KIF15: variants seen among roughly 807,000 people sequenced by gnomAD.
KIF15 encodes kinesin family member 15.
Under a neutral mutation model 190.6 loss-of-function variants are expected in KIF15, and 140 were observed. The observed-to-expected ratio is 0.73, with a 90% confidence interval of 0.64 to 0.84. The LOEUF (loss-of-function observed/expected upper bound fraction) is 0.84, where lower values mean the gene tolerates loss of function less well. KIF15 is among the 40% of genes least tolerant of loss of function. KIF15 has a pLI of 0.00. For synonymous variants in KIF15, 528 were observed against 551.3 expected (o/e 0.96, Z 0.59); for missense variants, 1,372 against 1,584.4 (o/e 0.87, Z 2.28).
chr3:44,852,310 C>T lies in KIF15; in HGVS notation c.4075C>T (p.Leu1359=). The stretch of plus-strand genomic sequence containing the variant: ...TCAGAAGATTCAGTACGTAGTGCGA[C>T]TAAAGAAGGAAAATGTCAGGCTTGC... ...LHQKIQYVVR[L]KKENVRLAEE... The change falls in exon 34 of 35, where the codon CTA becomes TTA. Residue 1359 remains leucine, a synonymous_variant. Coordinates refer to ENST00000326047, the MANE Select transcript of KIF15 (RefSeq NM_020242.3). 1 of 1,610,826 alleles carries T rather than the reference C, an allele frequency of 6.2e-7. No homozygotes were observed. The highest frequency in any genetic ancestry group is 8.5e-7 in the Non-Finnish European group (1 of 1,177,894).
In KIF15 at chr3:44,794,251, C is replaced by T; in HGVS notation, c.674C>T (p.Ala225Val). The change falls in exon 8 of 35, where the codon GCA (alanine) becomes GTA (valine). Residue 225 changes from alanine (A) to valine (V), a missense_variant. By Grantham distance (64) the Ala-to-Val change is moderately conservative (BLOSUM62 0). Coordinates refer to ENST00000326047, the MANE Select transcript of KIF15 (RefSeq NM_020242.3). The part of the protein sequence containing the change: ...LSGGWRNRRV[A>V]STSMNRESSR... ...GGAGGATGGAGGAATAGACGTGTGG[C>T]ATCAACATCAATGAACAGAGAATCG... The T allele has an allele frequency of 1.2e-6, 2 of 1,613,876 alleles. No individual in the cohort carries two copies. Among genetic ancestry groups the T allele is most frequent in the South Asian group, 2.2e-5 (2 of 91,050 alleles).
At chr3:44,781,893 TG>T (rs1486781218) in intron 5 of KIF15, among the ~76,000 whole-genome samples, 1 of 152,206 alleles carries the variant, frequency 6.6e-6, no homozygotes, top group Non-Finnish European at 1.5e-5. Flanking sequence ...TACTCATTTG[TG>T]GATATTCCTT....
intron 6 of KIF15, among the ~76,000 whole-genome samples, chr3:44,860,708 G>C (rs1331159949): frequency 2.6e-5 from 4 of 152,052 alleles, no homozygotes; most frequent in Non-Finnish European, 5.9e-5. Flanking sequence ...AAACCACCCT[G>C]TGAGAGAAGC....
intron 13 of KIF15, among the ~76,000 whole-genome samples, chr3:44,802,326 C>T (rs561266121): frequency 6.6e-6 from 1 of 152,282 alleles, no homozygotes; most frequent in East Asian, 1.9e-4. Context: ...ATAGGTCATA[C>T]AGGTACATTG....
intron 20 of KIF15, among the ~76,000 whole-genome samples, chr3:44,820,281 A>C (rs1708204017): frequency 6.8e-6 from 1 of 147,066 alleles, no homozygotes; most frequent in African/African-American, 2.5e-5. Flanking sequence ...TGATCCTGTC[A>C]TTATGATGTT....
intron 26 of KIF15, among the ~76,000 whole-genome samples, chr3:44,832,947 T>C (rs1698139649): frequency 6.8e-6 from 1 of 147,496 alleles, no homozygotes; most frequent in Non-Finnish European, 1.5e-5. Context: ...GAGGCAGAGG[T>C]TGCAGCAAGC....
chr3:44,836,566 C>T (rs1284843088), intron 26 of KIF15, among the ~76,000 whole-genome samples: 2 of 151,990 alleles, frequency 1.3e-5, no homozygotes, highest in African/African-American at 2.4e-5. Flanking sequence ...CTTAATTTAT[C>T]CTTCAGGAGA....
chr3:44,788,235 C>T (rs1304718738), intron 7 of KIF15, among the ~76,000 whole-genome samples: 2 of 152,134 alleles, frequency 1.3e-5, no homozygotes, highest in African/African-American at 4.8e-5. Flanking sequence ...TTATAATCAG[C>T]CACCTTGCTG....
At chr3:44,779,514 G>A (rs1706065735) in intron 4 of KIF15, among the ~76,000 whole-genome samples, 1 of 151,890 alleles carries the variant, frequency 6.6e-6, no homozygotes, top group Non-Finnish European at 1.5e-5. Context: ...ACTCTCAAGT[G>A]CCTGTTTGGA....
At chr3:44,785,052 A>G (rs1443896999) in intron 6 of KIF15, 110 bp downstream of exon 6, 1 of 603,828 alleles carries the variant, frequency 1.7e-6, no homozygotes. Flanking sequence ...ACTCTACAAT[A>G]TGAATAGACT....
chr3:44,824,451 A>G (rs1482875104), intron 20 of KIF15, among the ~76,000 whole-genome samples: 1 of 152,150 alleles, frequency 6.6e-6, no homozygotes, highest in African/African-American at 2.4e-5. Context: ...ATCTACTTGA[A>G]GTGCAGTGGT....
At chr3:44,862,982 A>G (rs1699275630) in intron 6 of KIF15, 1 of 152,152 alleles carries the variant, frequency 6.6e-6, no homozygotes, top group Admixed American at 6.6e-5. Context: ...CTAGACCTTC[A>G]TAACCCTTTA....
intron 23 of KIF15, 122 bp from the exon 24 acceptor site, chr3:44,828,092 T>G: frequency 1.6e-6 from 1 of 632,846 alleles, no homozygotes; most frequent in South Asian, 2.1e-5. Flanking sequence ...TTTATCATTT[T>G]CAAGTATTAC....
In KIF15 at chr3:44,815,092, T is replaced by A; in HGVS notation, c.2549+16T>A. 1.9e-6 allele frequency: 3 copies of A among 1,546,224 alleles called. No individual in the cohort carries two copies. Among genetic ancestry groups the A allele is most frequent in the Non-Finnish European group, 2.6e-6 (3 of 1,147,500 alleles). ...ATAATCTCAGGTAGAGTTGTTCTTT[T>A]ATGGTTTCAAGTTGCCTGATTGGCT... is the stretch of plus-strand genomic sequence containing the variant. On this transcript the variant is annotated intron_variant, in intron 20 of 34. Coordinates refer to ENST00000326047, the MANE Select transcript of KIF15 (RefSeq NM_020242.3).
At chr3:44,819,090 T>A (rs895001555) in intron 20 of KIF15, among the ~76,000 whole-genome samples, 4 of 152,146 alleles carry the variant, frequency 2.6e-5, no homozygotes. Flanking sequence ...GGTGGTGATA[T>A]CCCCTTTATC....
chr3:44,833,790 G>T (rs1371905554), intron 26 of KIF15, among the ~76,000 whole-genome samples: 1 of 152,198 alleles, frequency 6.6e-6, no homozygotes, highest in Non-Finnish European at 1.5e-5. Flanking sequence ...TGAGAACTGT[G>T]TCTGGCTCCT....
In KIF15 at chr3:44,821,040, C is replaced by G. The variant is rs1432533716; in HGVS notation, c.2550-4999C>G. 1.4e-5 allele frequency among the ~76,000 whole-genome samples: 2 copies of G among 142,266 alleles called. 1 individual carries two copies. The highest frequency in any genetic ancestry group is 3.1e-5 in the Non-Finnish European group (2 of 65,254). The allele number at this position is 142,266 out of a possible 152,430, so 93.3% of individuals were successfully genotyped here. A position where few individuals can be genotyped will look rare whatever the true frequency, so the allele number is the denominator to read the frequency against. ...GGCCGGGCGGGGGGGCTGACCCCCC[C>G]ACCTCCCTCCCGGATGGGGCGGCAG... On this transcript the variant is annotated intron_variant, in intron 20 of 34. Transcript: ENST00000326047.
intron 6 of KIF15, chr3:44,863,375 G>C (rs1173846106): frequency 7.5e-6 from 1 of 133,308 alleles, no homozygotes; most frequent in African/African-American, 2.7e-5. Context: ...CATATCCTTT[G>C]TGTAGGAGGC....
In KIF15 at chr3:44,829,670, A is replaced by T. The variant is rs866979960; in HGVS notation, c.2944-301A>T. 2.5e-3 allele frequency among the ~76,000 whole-genome samples: 323 copies of T among 126,858 alleles called. 8 individuals carry two copies. Among genetic ancestry groups the T allele is most frequent in the South Asian group, 0.015 (66 of 4,428 alleles). The allele number at this position is 126,858 out of a possible 152,430, so 83.2% of individuals were successfully genotyped here. ...ATATATGTATATATTATGTATATAT[A>T]ATATATGTATATATATTATAGATGT... On this transcript the variant is annotated intron_variant, in intron 24 of 34. Transcript: ENST00000326047.
Sources: allele counts gnomAD v4.1 joint callset (sites outside exome capture counted in the v4.1 genomes callset), GRCh38; gene constraint gnomAD v4.1.1; transcripts MANE v1.5; gene names NCBI Gene and HGNC (gene_info 2026-07-23, HGNC 2026-07-21).